TMEM178B: variants seen among roughly 807,000 people sequenced by gnomAD.
The protein encoded by TMEM178B is transmembrane protein 178B.
Under a neutral mutation model 31.0 loss-of-function variants are expected in TMEM178B, and 5 were observed. The observed-to-expected ratio is 0.16, with a 90% CI of 0.08 to 0.34. The LOEUF is 0.34. Among genes scored for constraint, TMEM178B ranks in the 10% least tolerant of loss-of-function variants. The pLI, the probability that TMEM178B is intolerant of heterozygous loss-of-function variation, is 1.00. For missense variants in TMEM178B, 275 were observed against 400.3 expected (o/e 0.69, Z 2.67); for synonymous variants, 164 against 164.0 (o/e 1.00, Z 0.00).
chr7:141,103,048 C>T (rs1199578023), intron 1 of TMEM178B, among the ~76,000 whole-genome samples: 1 of 152,228 alleles, frequency 6.6e-6, no homozygotes, highest in African/African-American at 2.4e-5. Flanking sequence ...GCAGTTAAAT[C>T]CAGGAGCCCA....
intron 2 of TMEM178B, among the ~76,000 whole-genome samples, chr7:141,288,410 CT>C (rs1251497891): frequency 6.6e-6 from 1 of 151,250 alleles, no homozygotes; most frequent in African/African-American, 2.4e-5. Flanking sequence ...TCTGTTGCAG[CT>C]TCAGTTTTTC....
At chr7:141,118,743 A>C (rs1795363770) in intron 1 of TMEM178B, among the ~76,000 whole-genome samples, 1 of 152,214 alleles carries the variant, frequency 6.6e-6, no homozygotes, top group East Asian at 1.9e-4. Context: ...TAATTTGCCT[A>C]TTTGAAAGAC....
chr7:141,253,197 C>T (rs1398690926), intron 2 of TMEM178B, among the ~76,000 whole-genome samples: 2 of 152,208 alleles, frequency 1.3e-5, no homozygotes, highest in Non-Finnish European at 2.9e-5. Context: ...TCTGCTTCCC[C>T]CTTGTTGCCA....
chr7:141,151,952 C>T (rs1795981748), intron 1 of TMEM178B, among the ~76,000 whole-genome samples: 2 of 152,182 alleles, frequency 1.3e-5, no homozygotes, highest in Non-Finnish European at 1.5e-5. Context: ...CGTGACGTCA[C>T]AGCCATTGGA....
intron 3 of TMEM178B, among the ~76,000 whole-genome samples, chr7:141,449,911 A>G (rs1010309594): frequency 5.3e-5 from 8 of 152,248 alleles, no homozygotes; most frequent in Admixed American, 3.3e-4. Context: ...GTCTCAAAGC[A>G]TTACACTGGA....
chr7:141,361,360 C>T (rs1799915663), intron 2 of TMEM178B, among the ~76,000 whole-genome samples: 1 of 151,020 alleles, frequency 6.6e-6, no homozygotes. Context: ...AAAACCAGTA[C>T]TAAAAAAAAA....
At chr7:141,500,410 A>G in the TMEM178B span, among the ~76,000 whole-genome samples, 4 of 152,214 alleles carry the variant, frequency 2.6e-5, no homozygotes, top group Admixed American at 2.0e-4. Context: ...TTCAAGAATC[A>G]TACCTTTCTA....
chr7:141,142,008 G>A (rs1795777119), intron 1 of TMEM178B, among the ~76,000 whole-genome samples: 1 of 152,158 alleles, frequency 6.6e-6, no homozygotes, highest in Non-Finnish European at 1.5e-5. Context: ...CTAAGGTTTG[G>A]GGTATGATTG....
chr7:141,280,896 G>A (rs1460942049), intron 2 of TMEM178B, among the ~76,000 whole-genome samples: 1 of 152,140 alleles, frequency 6.6e-6, no homozygotes, highest in Non-Finnish European at 1.5e-5. Context: ...TTCCTGCAAA[G>A]CATTCTGGTC....
At chr7:141,204,693 A>G (rs1032776457) in intron 1 of TMEM178B, among the ~76,000 whole-genome samples, 1 of 152,244 alleles carries the variant, frequency 6.6e-6, no homozygotes, top group South Asian at 2.1e-4. Context: ...ACTTGGAGCC[A>G]TTACTCAATT....
chr7:141,365,659 A>C (rs1002788727), intron 2 of TMEM178B, among the ~76,000 whole-genome samples: 1 of 152,208 alleles, frequency 6.6e-6, no homozygotes, highest in Non-Finnish European at 1.5e-5. Context: ...CCTTTCTTCC[A>C]TCACATGGCT....
chr7:141,492,781 T>C, the TMEM178B span, among the ~76,000 whole-genome samples: 1 of 152,140 alleles, frequency 6.6e-6, no homozygotes, highest in East Asian at 1.9e-4. Context: ...ACAAACCCCA[T>C]TCCTGACTCC....
At chr7:141,316,181 T>C (rs1378080595) in intron 2 of TMEM178B, among the ~76,000 whole-genome samples, 2 of 152,116 alleles carry the variant, frequency 1.3e-5, no homozygotes, top group South Asian at 2.1e-4. Context: ...GACTTTTGCA[T>C]TGAAGGATAT....
intron 2 of TMEM178B, among the ~76,000 whole-genome samples, chr7:141,304,063 G>A (rs890702941): frequency 6.6e-6 from 1 of 152,186 alleles, no homozygotes; most frequent in African/African-American, 2.4e-5. Flanking sequence ...CAGCAGTACT[G>A]TAGCCACTCA....
At chr7:141,257,684 A>C (rs1415422286) in intron 2 of TMEM178B, among the ~76,000 whole-genome samples, 2 of 152,200 alleles carry the variant, frequency 1.3e-5, no homozygotes, top group Admixed American at 1.3e-4. Flanking sequence ...GCGGGGAGGC[A>C]AGGCAGCTAG....
At chr7:141,275,361 A>C (rs116981308) in intron 2 of TMEM178B, among the ~76,000 whole-genome samples, 2 of 152,354 alleles carry the variant, frequency 1.3e-5, no homozygotes, top group African/African-American at 4.8e-5. Flanking sequence ...TGCAGTTTTT[A>C]TGAATGTATA....
chr7:141,094,118 GGA>G (rs1282505072), intron 1 of TMEM178B, among the ~76,000 whole-genome samples: 1 of 152,046 alleles, frequency 6.6e-6, no homozygotes, highest in African/African-American at 2.4e-5. Flanking sequence ...AAAACAAAAA[GGA>G]GAGAATAGAA....
At chr7:141,447,896 T>C (rs1191342415) in intron 3 of TMEM178B, among the ~76,000 whole-genome samples, 3 of 152,098 alleles carry the variant, frequency 2.0e-5, no homozygotes, top group Non-Finnish European at 4.4e-5. Flanking sequence ...TCCAAGCAAG[T>C]GGGCGACTGC....
chr7:141,233,261 A>G (rs912940824), intron 2 of TMEM178B, among the ~76,000 whole-genome samples: 2 of 152,196 alleles, frequency 1.3e-5, no homozygotes, highest in Non-Finnish European at 2.9e-5. Context: ...TATGATATCT[A>G]TCTGGCACAT....
Sources: gnomAD v4.1 joint callset for allele counts (sites outside exome capture counted in the v4.1 genomes callset) on GRCh38, gnomAD v4.1.1 for gene constraint, MANE v1.5 for transcripts, NCBI Gene and HGNC (gene_info 2026-07-23, HGNC 2026-07-21) for gene names.